FSCN1: variants seen among roughly 807,000 people sequenced by gnomAD.
FSCN1 encodes fascin actin-bundling protein 1.
Under a neutral mutation model 39.7 loss-of-function variants are expected in FSCN1, and 10 were observed. The observed-to-expected ratio is 0.25, with a 90% CI of 0.16 to 0.43. FSCN1 has a LOEUF of 0.43. FSCN1 is among the 20% of genes least tolerant of loss of function. The probability of loss-of-function intolerance (pLI) is 1.00; values close to 1 mark genes in which losing one functional copy is unlikely to be tolerated. For missense variants in FSCN1, 525 were observed against 723.8 expected, an observed-to-expected ratio of 0.73 and a Z score of 3.15; for synonymous variants, 322 against 320.0, an observed-to-expected ratio of 1.01 and a Z score of -0.07.
chr7:5,603,062 T>C lies in FSCN1; in HGVS notation c.833-195T>C, dbSNP rs1232698238. ...CATGTGGGAACAGATGTAGCTTGCC[T>C]TGGCCTCTGACCGGCCCTGCCTGCG... On this transcript the variant is annotated intron_variant, in intron 1 of 4. Coordinates refer to ENST00000382361, the MANE Select transcript of FSCN1 (RefSeq NM_003088.4). This position sits in a 1 kb window ranked among gnomAD's most constrained non-coding sequence, Gnocchi z 8.5. 1.5e-5 allele frequency: 9 copies of C among 616,316 alleles called. No homozygotes were observed. The highest frequency in any genetic ancestry group is 2.6e-5 in the Non-Finnish European group (9 of 349,150). The allele number at this position is 616,316 out of a possible 1,614,324, so 38.2% of individuals were successfully genotyped here.
At position 5,605,214 on chromosome 7, in the gene FSCN1, C is replaced by T; in HGVS notation, c.1280-58C>T. 1 of 1,361,220 alleles carries T rather than the reference C, an allele frequency of 7.3e-7. No homozygotes were observed. 84.3% of individuals were successfully genotyped at this position (1,361,220 alleles called of 1,614,324 possible). On this transcript the variant is annotated intron_variant, in intron 4 of 4. Transcript: ENST00000382361. This position sits in a 1 kb window ranked among gnomAD's most constrained non-coding sequence, Gnocchi z 6.9. The stretch of plus-strand genomic sequence containing the variant: ...AACACCCGTGCCCACCCTCCGCTGC[C>T]CAGGGTAGGGGTGGGGAGCCAGGCT...
rs1159881729 is a variant in FSCN1 at position 5,603,122 on chromosome 7, C to G, written c.833-135C>G. ...GCTCTCTGCTGCTTCTCATGTGTGC[C>G]ACTGTGGGGACTCGGCCGCCCACCC... On this transcript the variant is annotated intron_variant, in intron 1 of 4. Transcript: ENST00000382361. The surrounding 1 kb of genome is among the most constrained non-coding windows in gnomAD (Gnocchi z 8.5). 1.1e-6 allele frequency: 1 copy of G among 915,770 alleles called. No homozygotes were observed. The highest frequency in any genetic ancestry group is 1.6e-5 in the African/African-American group (1 of 61,148). The allele number at this position is 915,770 out of a possible 1,614,324, so 56.7% of individuals were successfully genotyped here.
chr7:5,598,370 G>T (rs1029544152), intron 1 of FSCN1, among the ~76,000 whole-genome samples: 1 of 152,240 alleles, frequency 6.6e-6, no homozygotes, highest in Admixed American at 6.5e-5. Flanking sequence ...TGGCTGGGAA[G>T]CTCCCTTTCT....
Position 5,605,420 on chromosome 7 carries a change from C to G in FSCN1, c.1428C>G (p.Gly476=). The G allele has an allele frequency of 6.2e-7, 1 of 1,611,760 alleles. No individual in the cohort carries two copies. The highest frequency in any genetic ancestry group is 8.5e-7 in the Non-Finnish European group (1 of 1,179,120). ...GGRYLKGDHA[G]VLKASAETVD... ...GCTACCTGAAGGGCGACCACGCAGGCGTCCTGAAGGCCTCGGCGGAAACCG... is the reference window on the plus strand; with the variant it reads ...GCTACCTGAAGGGCGACCACGCAGGGGTCCTGAAGGCCTCGGCGGAAACCG... Residue 476 remains glycine (G), a synonymous_variant, in exon 5 of 5, where the codon GGC becomes GGG. Coordinates refer to ENST00000382361, the MANE Select transcript of FSCN1 (RefSeq NM_003088.4). This position sits in a 1 kb window ranked among gnomAD's most constrained non-coding sequence, Gnocchi z 6.9.
chr7:5,595,181 G>A (rs909066904), intron 1 of FSCN1, among the ~76,000 whole-genome samples: 15 of 152,338 alleles, frequency 9.8e-5, no homozygotes, highest in African/African-American at 3.6e-4. Flanking sequence ...TTGGCTGTGG[G>A]CTCTGCAGGA....
chr7:5,594,050 C>CG (rs1480032153), intron 1 of FSCN1: 19 of 409,570 alleles, frequency 4.6e-5, no homozygotes, highest in Non-Finnish European at 6.9e-5. Flanking sequence ...TCCTAACCCC[C>CG]CCCCCCGCCC....
intron 1 of FSCN1, among the ~76,000 whole-genome samples, chr7:5,598,959 G>A (rs1179420823): frequency 6.6e-6 from 1 of 152,228 alleles, no homozygotes; most frequent in Non-Finnish European, 1.5e-5. Context: ...GCAGCTGTGC[G>A]GGTGTGGCTG....
chr7:5,595,975 C>G (rs911357884), intron 1 of FSCN1, among the ~76,000 whole-genome samples: 5 of 148,114 alleles, frequency 3.4e-5, no homozygotes, highest in Non-Finnish European at 7.4e-5. Flanking sequence ...AAATTGCAGC[C>G]AGGAGAGGTG....
chr7:5,603,127 TG>T lies in FSCN1; in HGVS notation c.833-126del. 1 of 976,346 alleles carries T rather than the reference TG, an allele frequency of 1.0e-6. No individual in the cohort carries two copies. The highest frequency in any genetic ancestry group is 1.6e-6 in the Non-Finnish European group (1 of 642,626). The allele number at this position is 976,346 out of a possible 1,614,324, so 60.5% of individuals were successfully genotyped here. Reference sequence around the variant, plus strand: ...CTGCTGCTTCTCATGTGTGCCACTGTGGGGACTCGGCCGCCCACCCCACCCC... The same window carrying T: ...CTGCTGCTTCTCATGTGTGCCACTGTGGGACTCGGCCGCCCACCCCACCCC... On this transcript the variant is annotated intron_variant, in intron 1 of 4. Transcript: ENST00000382361. This position sits in a 1 kb window ranked among gnomAD's most constrained non-coding sequence, Gnocchi z 8.5.
At chr7:5,604,859 A>G (rs1785904156) in intron 4 of FSCN1, among the ~76,000 whole-genome samples, 1 of 151,990 alleles carries the variant, frequency 6.6e-6, no homozygotes, top group Non-Finnish European at 1.5e-5. Flanking sequence ...CTGGTCTTGA[A>G]TTCGTGGCCT....
At chr7:5,600,693 G>A (rs956234402) in intron 1 of FSCN1, among the ~76,000 whole-genome samples, 3 of 145,538 alleles carry the variant, frequency 2.1e-5, no homozygotes, top group African/African-American at 5.2e-5. Context: ...TCGCATTGTC[G>A]CCCAGGCTGG....
In FSCN1 at chr7:5,605,477, C is replaced by A. The variant is rs759751694; in HGVS notation, c.*3C>A. ...CCGCCTCGCTCTGGGAGTACTAGGG[C>A]CGGCCCGTCCTTCCCCGCCCCTGCC... On this transcript the variant is annotated 3_prime_UTR_variant, in exon 5 of 5. Coordinates refer to ENST00000382361, the MANE Select transcript of FSCN1 (RefSeq NM_003088.4). This position sits in a 1 kb window ranked among gnomAD's most constrained non-coding sequence, Gnocchi z 6.9. 6.5e-7 allele frequency: 1 copy of A among 1,549,420 alleles called. No individual in the cohort carries two copies. The highest frequency in any genetic ancestry group is 8.7e-7 in the Non-Finnish European group (1 of 1,144,878).
At chr7:5,594,287 C>G (rs1225220660) in intron 1 of FSCN1, among the ~76,000 whole-genome samples, 3 of 152,156 alleles carry the variant, frequency 2.0e-5, no homozygotes, top group Non-Finnish European at 4.4e-5. Flanking sequence ...CCCGGCGGGG[C>G]GCGCCTCCAC....
rs1562750221 is a variant in FSCN1 at position 5,605,061 on chromosome 7, C to T, written c.1280-211C>T. 6.6e-6 allele frequency among the ~76,000 whole-genome samples: 1 copy of T among 152,228 alleles called. No individual in the cohort carries two copies. The highest frequency in any genetic ancestry group is 1.5e-5 in the Non-Finnish European group (1 of 68,050). On this transcript the variant is annotated intron_variant, in intron 4 of 4. Coordinates refer to ENST00000382361, the MANE Select transcript of FSCN1 (RefSeq NM_003088.4). The surrounding 1 kb of genome is among the most constrained non-coding windows in gnomAD (Gnocchi z 6.9). ...GTGCTGGGATTACAGGCGTGAGCCA[C>T]TGCGGCCGAGCAGAACACGTTCTAG...
chr7:5,604,972 C>T (rs1192540131), intron 4 of FSCN1, among the ~76,000 whole-genome samples: 4 of 152,072 alleles, frequency 2.6e-5, no homozygotes, highest in Non-Finnish European at 5.9e-5. Context: ...CGGAGCTTCA[C>T]TATGTTGGCA....
Position 5,603,181 on chromosome 7 carries a change from G to C in FSCN1, c.833-76G>C. ...GGTGTTACCTTGCGTGTGTAGTTCTGTGAGCTCAGGGCTATGGTCTGCCAG... is the reference window on the plus strand; with the variant it reads ...GGTGTTACCTTGCGTGTGTAGTTCTCTGAGCTCAGGGCTATGGTCTGCCAG... On this transcript the variant is annotated intron_variant, in intron 1 of 4. Transcript: ENST00000382361. This position sits in a 1 kb window ranked among gnomAD's most constrained non-coding sequence, Gnocchi z 8.5. The C allele has an allele frequency of 6.5e-7, 1 of 1,548,170 alleles. No individual in the cohort carries two copies. The highest frequency in any genetic ancestry group is 8.8e-7 in the Non-Finnish European group (1 of 1,135,018).
chr7:5,604,816 T>C (rs2128550369), intron 4 of FSCN1, among the ~76,000 whole-genome samples: 1 of 152,272 alleles, frequency 6.6e-6, no homozygotes, highest in South Asian at 2.1e-4. Context: ...TTTTGTATTT[T>C]TCATAGAGAC....
chr7:5,593,020 G>T lies in FSCN1; in HGVS notation c.84G>T (p.Ala28=). 3 of 1,597,418 alleles carry T rather than the reference G, an allele frequency of 1.9e-6. No individual in the cohort carries two copies. Among genetic ancestry groups the T allele is most frequent in the South Asian group, 1.1e-5 (1 of 89,010 alleles). ...NCGNKYLTAE[A]FGFKVNASAS... is the part of the protein sequence containing the mutation. ...GCAACAAGTACCTGACGGCCGAGGC[G>T]TTCGGGTTCAAGGTGAACGCGTCCG... Residue 28 remains alanine (A), a synonymous_variant, in exon 1 of 5, where the codon GCG becomes GCT. Coordinates refer to ENST00000382361, the MANE Select transcript of FSCN1 (RefSeq NM_003088.4).
rs141588403 is a variant in FSCN1, at chr7:5,604,250, C to T, written c.1279+220C>T. Among the ~76,000 whole-genome samples the T allele has an allele frequency of 1.2e-4, 18 of 151,666 alleles. No homozygotes were observed. In the East Asian group the frequency reaches 3.1e-3, roughly 26 times the overall value. On this transcript the variant is annotated intron_variant, in intron 4 of 4. Transcript: ENST00000382361. ...TGGTTGGGGGGACTTACCTTGCCCA[C>T]CTGACAGAGAGGTGTGTGGAGGGGA...
Sources: gnomAD v4.1 joint callset for allele counts (sites outside exome capture counted in the v4.1 genomes callset) on GRCh38, gnomAD v4.1.1 for gene constraint, Gnocchi (gnomAD v3.1) non-coding constraint, MANE v1.5 for transcripts, NCBI Gene and HGNC (gene_info 2026-07-23, HGNC 2026-07-21) for gene names.